Variants in KLHL29 observed in about 807,000 individuals in gnomAD.
KLHL29 encodes the protein kelch-like protein 29.
Under a neutral mutation model 80.4 loss-of-function variants are expected in KLHL29, and 21 were observed. That is an observed-to-expected ratio of 0.26 (90% confidence interval 0.19 to 0.38). KLHL29 has a LOEUF of 0.38. Among genes scored for constraint, KLHL29 ranks in the 10% least tolerant of loss-of-function variants. The pLI, the probability that KLHL29 is intolerant of heterozygous loss-of-function variation, is 1.00. For synonymous variants in KLHL29, 511 were observed against 526.8 expected (o/e 0.97, Z 0.41); for missense variants, 867 against 1,223.9 (o/e 0.71, Z 4.35).
chr2:23,454,273 C>G (rs887596545), intron 1 of KLHL29, among the ~76,000 whole-genome samples: 3 of 146,690 alleles, frequency 2.0e-5, no homozygotes, highest in African/African-American at 7.5e-5. Flanking sequence ...TGCCTCAGAA[C>G]TCAGCCTGTC....
chr2:23,584,104 G>A (rs1319852067), intron 3 of KLHL29, among the ~76,000 whole-genome samples: 5 of 152,178 alleles, frequency 3.3e-5, no homozygotes, highest in South Asian at 2.1e-4. Flanking sequence ...ATACCCAAAT[G>A]TCAGCCGAGG....
intron 3 of KLHL29, among the ~76,000 whole-genome samples, chr2:23,579,585 C>T (rs1667930224): frequency 1.3e-5 from 2 of 152,178 alleles, no homozygotes; most frequent in Non-Finnish European, 2.9e-5. Flanking sequence ...TACCCTTTTC[C>T]CTCCAGTCCC....
chr2:23,461,504 T>A (rs1357973400), intron 1 of KLHL29, among the ~76,000 whole-genome samples: 3 of 152,338 alleles, frequency 2.0e-5, no homozygotes, highest in South Asian at 4.1e-4. Context: ...CTCGCGTAGC[T>A]GTTAATTTTT....
intron 6 of KLHL29, chr2:23,689,729 G>A (rs1671461857): frequency 6.6e-6 from 1 of 152,446 alleles, no homozygotes; most frequent in South Asian, 2.1e-4. Context: ...CGGCTTGTAG[G>A]AATGAAGTCC....
At chr2:23,614,462 C>T (rs1337836835) in intron 3 of KLHL29, among the ~76,000 whole-genome samples, 1 of 152,090 alleles carries the variant, frequency 6.6e-6, no homozygotes, top group African/African-American at 2.4e-5. Flanking sequence ...TTCACAGTCA[C>T]AGTAGGAAAT....
At chr2:23,656,308 A>G (rs550791618) in intron 5 of KLHL29, among the ~76,000 whole-genome samples, 15 of 152,318 alleles carry the variant, frequency 9.8e-5, no homozygotes, top group South Asian at 6.2e-4. Flanking sequence ...CTGTGCGCCA[A>G]TGATGCTGCC....
At chr2:23,439,905 G>A (rs541222786) in intron 1 of KLHL29, among the ~76,000 whole-genome samples, 5 of 152,062 alleles carry the variant, frequency 3.3e-5, no homozygotes, top group African/African-American at 9.7e-5. Context: ...AATGTTGACA[G>A]TGGGGTGTTA....
intron 5 of KLHL29, among the ~76,000 whole-genome samples, chr2:23,666,324 C>T (rs975638035): frequency 1.3e-5 from 2 of 152,228 alleles, no homozygotes; most frequent in African/African-American, 4.8e-5. Context: ...GCAGGGGTCT[C>T]GGGTGGATCT....
chr2:23,549,237 G>C (rs367892628), intron 2 of KLHL29, among the ~76,000 whole-genome samples: 11 of 152,342 alleles, frequency 7.2e-5, no homozygotes, highest in African/African-American at 2.6e-4. Flanking sequence ...GCTGCCCAGC[G>C]GGGGTGGAAG....
intron 5 of KLHL29, among the ~76,000 whole-genome samples, chr2:23,656,054 C>T (rs1670234979): frequency 6.6e-6 from 1 of 152,222 alleles, no homozygotes; most frequent in Non-Finnish European, 1.5e-5. Context: ...GTTTATAGCT[C>T]TTCACTTCAA....
At chr2:23,570,759 G>T (rs774692648) in intron 3 of KLHL29, among the ~76,000 whole-genome samples, 2 of 152,220 alleles carry the variant, frequency 1.3e-5, no homozygotes, top group Non-Finnish European at 2.9e-5. Flanking sequence ...AATCCTGCTG[G>T]GGTGTCCCAA....
intron 3 of KLHL29, among the ~76,000 whole-genome samples, chr2:23,597,343 G>GTGTGTGTGTGTGTGTA (rs1558402719): frequency 7.4e-6 from 1 of 134,414 alleles, no homozygotes; most frequent in African/African-American, 2.9e-5. Flanking sequence ...GTGTGTGTGT[G>GTGTGTGTGTGTGTGTA]TGTATGTATA....
rs1482837274 is a variant in KLHL29, at chr2:23,682,640, G to C, written c.941-1759G>C. On this transcript the variant is annotated intron_variant, in intron 5 of 13. Transcript: ENST00000486442. This position sits in a 1 kb window ranked among gnomAD's most constrained non-coding sequence, Gnocchi z 4.1. ...GTTCCCTGTTGCCCATGGCCCTTTT[G>C]TCCACCTGCACCTGCCCCCTCGTGC... 6.6e-6 allele frequency among the ~76,000 whole-genome samples: 1 copy of C among 151,792 alleles called. No individual in the cohort carries two copies. The highest frequency in any genetic ancestry group is 1.5e-5 in the Non-Finnish European group (1 of 67,954).
At chr2:23,701,695 C>T (rs577471250) in intron 11 of KLHL29, among the ~76,000 whole-genome samples, 2 of 151,828 alleles carry the variant, frequency 1.3e-5, no homozygotes, top group Admixed American at 1.3e-4. Flanking sequence ...CTAGCCTAGG[C>T]AACAGAGCAA....
At chr2:23,434,383 C>T (rs1558336792) in intron 1 of KLHL29, among the ~76,000 whole-genome samples, 1 of 141,604 alleles carries the variant, frequency 7.1e-6, no homozygotes, top group Admixed American at 7.1e-5. Context: ...TCCAGGAGCC[C>T]TGGGCTCTGA....
intron 2 of KLHL29, among the ~76,000 whole-genome samples, chr2:23,514,510 G>A (rs529387860): frequency 6.6e-6 from 1 of 152,172 alleles, no homozygotes; most frequent in Non-Finnish European, 1.5e-5. Flanking sequence ...CCATCCTGAC[G>A]AGTGCCCTGA....
intron 1 of KLHL29, among the ~76,000 whole-genome samples, chr2:23,435,213 G>A (rs1217576375): frequency 1.3e-5 from 2 of 152,166 alleles, no homozygotes; most frequent in Non-Finnish European, 2.9e-5. Context: ...GTAAGGTCGG[G>A]CATTAGGAGA....
chr2:23,679,276 C>T (rs1205294329), intron 5 of KLHL29, among the ~76,000 whole-genome samples: 2 of 152,174 alleles, frequency 1.3e-5, no homozygotes, highest in Non-Finnish European at 2.9e-5. Flanking sequence ...GGACTACACT[C>T]AGCCAATCTA....
rs1212039372 is a variant in KLHL29, at chr2:23,559,712, G to A, written c.-45-2440G>A. ...CTGTGGAACAGCTGGGGGAAGGTGTGCGGCAGGCTGCAGGGAGGTGGGGGT... is the reference window on the plus strand; with the variant it reads ...CTGTGGAACAGCTGGGGGAAGGTGTACGGCAGGCTGCAGGGAGGTGGGGGT... On this transcript the variant is annotated intron_variant, in intron 2 of 13. Transcript: ENST00000486442. Among the ~76,000 whole-genome samples the A allele has an allele frequency of 5.3e-5, 8 of 152,050 alleles. No homozygotes were observed. In the East Asian group the frequency reaches 1.5e-3, roughly 29 times the overall value.
Sources: gnomAD v4.1 joint callset for allele counts (sites outside exome capture counted in the v4.1 genomes callset) on GRCh38, gnomAD v4.1.1 for gene constraint, Gnocchi (gnomAD v3.1) non-coding constraint, MANE v1.5 for transcripts, NCBI Gene and HGNC (gene_info 2026-07-23, HGNC 2026-07-21) for gene names.